GALNTL6: variants seen among roughly 807,000 people sequenced by gnomAD.
GALNTL6 encodes polypeptide N-acetylgalactosaminyltransferase-like 6.
A neutral mutation model predicts 73.7 loss-of-function variants in GALNTL6; 46 were observed. The ratio of observed to expected loss-of-function variants is 0.62; its 90% confidence interval spans 0.49 to 0.80. GALNTL6 has a LOEUF of 0.80. Among genes scored for constraint, GALNTL6 ranks in the 30% least tolerant of loss-of-function variants. The pLI is 0.00. For synonymous variants in GALNTL6, 259 were observed against 263.7 expected, an observed-to-expected ratio of 0.98 and a Z score of 0.17; for missense variants, 604 against 755.0, an observed-to-expected ratio of 0.80 and a Z score of 2.34.
intron 2 of GALNTL6, among the ~76,000 whole-genome samples, chr4:172,157,965 C>A (rs539220101): frequency 1.3e-5 from 2 of 152,100 alleles, no homozygotes; most frequent in African/African-American, 4.8e-5. Context: ...ATTCATGTTG[C>A]GTCCCAACCA....
chr4:172,346,993 T>C (rs1253798932), intron 4 of GALNTL6, among the ~76,000 whole-genome samples: 23 of 145,800 alleles, frequency 1.6e-4, no homozygotes, highest in Middle Eastern at 3.5e-3. Flanking sequence ...TCTTTCTTTT[T>C]TTTTTTTTTT....
intron 5 of GALNTL6, among the ~76,000 whole-genome samples, chr4:172,708,798 G>C (rs571157492): frequency 1.3e-5 from 2 of 152,260 alleles, no homozygotes; most frequent in East Asian, 3.9e-4. Context: ...ACAGCACAAA[G>C]CACATTACAT....
chr4:172,841,747 A>G (rs1417707404), intron 7 of GALNTL6, among the ~76,000 whole-genome samples: 6 of 152,128 alleles, frequency 3.9e-5, no homozygotes, highest in African/African-American at 1.2e-4. Flanking sequence ...CCATAATCCA[A>G]TCACTTCCCT....
At chr4:171,878,337 C>T (rs1736337223) in intron 2 of GALNTL6, among the ~76,000 whole-genome samples, 1 of 152,150 alleles carries the variant, frequency 6.6e-6, no homozygotes, top group Non-Finnish European at 1.5e-5. Flanking sequence ...TTCTATTTAG[C>T]TACTTTTGTT....
At chr4:172,890,168 G>A (rs190891904) in intron 8 of GALNTL6, among the ~76,000 whole-genome samples, 15 of 151,716 alleles carry the variant, frequency 9.9e-5, no homozygotes, top group South Asian at 6.3e-4. Flanking sequence ...TCTTGCTAGC[G>A]GTCTATTGAT....
intron 5 of GALNTL6, chr4:172,669,057 T>C (rs1053790360): frequency 4.6e-5 from 7 of 152,208 alleles, no homozygotes; most frequent in Admixed American, 2.0e-4. Flanking sequence ...TATTGGAACA[T>C]TAAAATGATC....
intron 5 of GALNTL6, among the ~76,000 whole-genome samples, chr4:172,646,396 T>C (rs1740243490): frequency 6.6e-6 from 1 of 152,068 alleles, no homozygotes; most frequent in South Asian, 2.1e-4. Context: ...GTTTTATAGT[T>C]ATGAATGTAG....
At chr4:172,567,560 G>A (rs573060138) in intron 5 of GALNTL6, among the ~76,000 whole-genome samples, 2 of 152,184 alleles carry the variant, frequency 1.3e-5, no homozygotes, top group African/African-American at 4.8e-5. Context: ...TGTTGGCCGG[G>A]TGTGGTAGCT....
chr4:172,460,926 A>C (rs533287594), intron 5 of GALNTL6, among the ~76,000 whole-genome samples: 6 of 152,346 alleles, frequency 3.9e-5, no homozygotes, highest in African/African-American at 1.2e-4. Context: ...GTGTATGTTT[A>C]TTTCAGCACT....
chr4:172,988,209 T>C (rs929642239), intron 10 of GALNTL6, among the ~76,000 whole-genome samples: 1 of 152,122 alleles, frequency 6.6e-6, no homozygotes, highest in Non-Finnish European at 1.5e-5. Context: ...CAGGCTGAGG[T>C]GGTCTCAGAT....
chr4:172,831,106 G>A (rs1490050367), intron 7 of GALNTL6, among the ~76,000 whole-genome samples: 4 of 132,022 alleles, frequency 3.0e-5, no homozygotes, highest in South Asian at 2.5e-4. Flanking sequence ...TGCAGTGAGC[G>A]GAGATCGCAC....
rs547348250 is a variant in GALNTL6, at chr4:171,862,784, G to T, written c.138+48066G>T. ...TTTTGTTAGTGGTATAGAGTCAACT[G>T]ATCAAATATAATAACCTAAAAAGTC... On this transcript the variant is annotated intron_variant, in intron 2 of 12. Coordinates refer to ENST00000506823, the MANE Select transcript of GALNTL6 (RefSeq NM_001034845.3). 2.0e-5 allele frequency among the ~76,000 whole-genome samples: 3 copies of T among 151,980 alleles called. No homozygotes were observed. In the East Asian group the frequency reaches 5.8e-4, roughly 29 times the overall value.
intron 2 of GALNTL6, among the ~76,000 whole-genome samples, chr4:171,879,374 C>A (rs1329049458): frequency 6.6e-6 from 1 of 151,930 alleles, no homozygotes; most frequent in Non-Finnish European, 1.5e-5. Flanking sequence ...TGCTTTTTTT[C>A]TACATTTTTA....
At chr4:172,773,327 A>C (rs1738885218) in intron 5 of GALNTL6, among the ~76,000 whole-genome samples, 2 of 152,118 alleles carry the variant, frequency 1.3e-5, no homozygotes, top group African/African-American at 4.8e-5. Flanking sequence ...CAGCCTCCCA[A>C]GTAGCCGGAA....
chr4:172,999,800 T>A (rs1397966680), intron 10 of GALNTL6, among the ~76,000 whole-genome samples: 3 of 151,710 alleles, frequency 2.0e-5, no homozygotes, highest in Admixed American at 1.3e-4. Context: ...GGATATATTA[T>A]TTGGATACAT....
intron 3 of GALNTL6, among the ~76,000 whole-genome samples, chr4:172,299,363 T>G (rs1267340288): frequency 6.6e-5 from 10 of 152,150 alleles, no homozygotes; most frequent in African/African-American, 2.4e-4. Context: ...GTGTCTCTAT[T>G]TCCTTCAGTT....
intron 7 of GALNTL6, among the ~76,000 whole-genome samples, chr4:172,853,590 T>A (rs972476671): frequency 6.6e-6 from 1 of 152,172 alleles, no homozygotes; most frequent in East Asian, 1.9e-4. Context: ...TAGCACCTCA[T>A]ATTTGGAGGC....
intron 2 of GALNTL6, among the ~76,000 whole-genome samples, chr4:171,961,294 TTCCTGACCTG>T (rs1739212098): frequency 6.6e-6 from 1 of 152,128 alleles, no homozygotes; most frequent in Non-Finnish European, 1.5e-5. Context: ...CTGTACAGGG[TTCCTGACCTG>T]TGGAAAGTAA....
At chr4:172,573,029 CTAAAT>C (rs1736822610) in intron 5 of GALNTL6, among the ~76,000 whole-genome samples, 1 of 152,076 alleles carries the variant, frequency 6.6e-6, no homozygotes, top group African/African-American at 2.4e-5. Flanking sequence ...CATAATATCA[CTAAAT>C]AGAACAGAGT....
Sources: allele counts gnomAD v4.1 joint callset (sites outside exome capture counted in the v4.1 genomes callset), GRCh38; gene constraint gnomAD v4.1.1; transcripts MANE v1.5; gene names NCBI Gene and HGNC (gene_info 2026-07-23, HGNC 2026-07-21).